ENPP2: variants seen among roughly 807,000 people sequenced by gnomAD.
ENPP2 encodes ectonucleotide pyrophosphatase/phosphodiesterase 2.
In ENPP2, 51 loss-of-function variants were observed where a neutral mutation model predicts 120.2. That is an observed-to-expected ratio of 0.42 (90% CI 0.34 to 0.54). ENPP2 has a LOEUF of 0.54. ENPP2 is among the 20% of genes least tolerant of loss of function. The pLI, the probability that ENPP2 is intolerant of heterozygous loss-of-function variation, is 0.04. For missense variants in ENPP2, 920 were observed against 1,066.5 expected (o/e 0.86, Z 1.91); for synonymous variants, 365 against 366.4 (o/e 1.00, Z 0.04).
intron 11 of ENPP2, 31 bp downstream of exon 11, chr8:119,600,647 A>T: frequency 7.0e-7 from 1 of 1,438,044 alleles, no homozygotes; most frequent in Admixed American, 1.7e-5. Flanking sequence ...AGGGCCACAG[A>T]TTCTTCTCAG....
upstream of ENPP2, among the ~76,000 whole-genome samples, chr8:119,639,982 T>G (rs965356205): frequency 1.3e-5 from 2 of 152,212 alleles, no homozygotes; most frequent in Non-Finnish European, 2.9e-5. Flanking sequence ...GCAGCACATG[T>G]GTTCGTGCGT....
At chr8:119,641,600 A>G (rs548054107), upstream of ENPP2, among the ~76,000 whole-genome samples, 6 of 152,344 alleles carry the variant, frequency 3.9e-5, no homozygotes, top group African/African-American at 1.4e-4. Flanking sequence ...CTAGAAACAA[A>G]TATTTGTCAA....
intron 1 of ENPP2, among the ~76,000 whole-genome samples, chr8:119,653,600 G>C (rs117984201): frequency 6.6e-6 from 1 of 152,082 alleles, no homozygotes; most frequent in Non-Finnish European, 1.5e-5. Context: ...AGTGAGAGAC[G>C]AGGCAGCAGT....
chr8:119,651,949 C>T (rs774396163), intron 1 of ENPP2, among the ~76,000 whole-genome samples: 6 of 152,138 alleles, frequency 3.9e-5, no homozygotes, highest in Non-Finnish European at 5.9e-5. Context: ...TGTCAAGTAC[C>T]GCTTGATATC....
chr8:119,600,808 C>T, intron 10 of ENPP2, 58 bp from the exon 11 acceptor site: 1 of 956,510 alleles, frequency 1.0e-6, no homozygotes, highest in Non-Finnish European at 1.7e-6. Flanking sequence ...CAAAAAATAT[C>T]ACATATTTTT....
Position 119,570,856 on chromosome 8 carries a change from A to C in ENPP2, c.1781-15T>G, listed in dbSNP as rs1210077071. The C allele has an allele frequency of 6.5e-7, 1 of 1,531,268 alleles. No individual in the cohort carries two copies. Among genetic ancestry groups the C allele is most frequent in the Non-Finnish European group, 8.7e-7 (1 of 1,144,992 alleles). 94.9% of individuals were successfully genotyped at this position (1,531,268 alleles called of 1,614,324 possible). The stretch of plus-strand genomic sequence containing the variant: ...GAGGTGTCTCTCTAAAAAAGAAAAA[A>C]AATAAACTGTGTTAGGTGCATATTA... On this transcript the variant is annotated splice_polypyrimidine_tract_variant and intron_variant, in intron 19 of 24. Coordinates refer to ENST00000075322, the MANE Select transcript of ENPP2 (RefSeq NM_001040092.3).
At chr8:119,604,274 C>G (rs898935711) in intron 9 of ENPP2, among the ~76,000 whole-genome samples, 1 of 151,986 alleles carries the variant, frequency 6.6e-6, no homozygotes, top group Non-Finnish European at 1.5e-5. Flanking sequence ...GTGATCCACC[C>G]GCTTCAGCCT....
chr8:119,561,529 A>G (rs1587313605), intron 24 of ENPP2, among the ~76,000 whole-genome samples: 1 of 152,148 alleles, frequency 6.6e-6, no homozygotes, highest in East Asian at 1.9e-4. Context: ...ACTTTCCATC[A>G]AATTAAAAGG....
chr8:119,657,203 G>T (rs1007502663), intron 1 of ENPP2, among the ~76,000 whole-genome samples: 1 of 152,174 alleles, frequency 6.6e-6, no homozygotes, highest in African/African-American at 2.4e-5. Flanking sequence ...GGGATCACAG[G>T]CATGAGCCAC....
At chr8:119,593,387 T>C (rs79162276) in intron 12 of ENPP2, among the ~76,000 whole-genome samples, 4,638 of 152,286 alleles carry the variant, frequency 0.03, 215 homozygotes, top group African/African-American at 0.1. Flanking sequence ...TGGGCTCGTT[T>C]TGGGGATGTG....
chr8:119,575,059 T>C (rs1174094126), intron 19 of ENPP2, among the ~76,000 whole-genome samples: 1 of 152,236 alleles, frequency 6.6e-6, no homozygotes, highest in Non-Finnish European at 1.5e-5. Context: ...AATATCTACT[T>C]GGCAAACACT....
intron 19 of ENPP2, among the ~76,000 whole-genome samples, chr8:119,579,698 G>A (rs918229164): frequency 6.6e-5 from 10 of 151,648 alleles, no homozygotes; most frequent in African/African-American, 2.2e-4. Flanking sequence ...TGATTCCTTC[G>A]GTGAATCTCT....
At chr8:119,663,973 A>G (rs1017600344) in intron 1 of ENPP2, among the ~76,000 whole-genome samples, 7 of 152,220 alleles carry the variant, frequency 4.6e-5, no homozygotes, top group African/African-American at 1.7e-4. Flanking sequence ...GAGAAAGCCT[A>G]TTTTGTTAGT....
intron 1 of ENPP2, among the ~76,000 whole-genome samples, chr8:119,659,340 A>G (rs575386347): frequency 9.8e-4 from 149 of 151,338 alleles, no homozygotes; most frequent in African/African-American, 3.5e-3. Flanking sequence ...AAAAAAAACC[A>G]GAGTTCTTAA....
intron 8 of ENPP2, among the ~76,000 whole-genome samples, chr8:119,611,686 A>G (rs1044709789): frequency 1.3e-5 from 2 of 152,186 alleles, no homozygotes; most frequent in African/African-American, 2.4e-5. Context: ...CCCTACCTGC[A>G]TGGGACCCGC....
chr8:119,597,911 T>C (rs1219355769), intron 11 of ENPP2, among the ~76,000 whole-genome samples: 1 of 152,220 alleles, frequency 6.6e-6, no homozygotes, highest in Admixed American at 6.5e-5. Context: ...TTCATCTTAT[T>C]GTAGCATATA....
At chr8:119,577,907 C>A (rs10505366) in intron 19 of ENPP2, among the ~76,000 whole-genome samples, 2 of 152,112 alleles carry the variant, frequency 1.3e-5, no homozygotes, top group African/African-American at 4.8e-5. Context: ...AAGAAACTCA[C>A]GTTCCACTCA....
rs1436932351 is a variant in ENPP2 at position 119,582,497 on chromosome 8, C to T, written c.1649G>A (p.Arg550Lys). 9 of 1,613,984 alleles carry T rather than the reference C, an allele frequency of 5.6e-6. No homozygotes were observed. Among genetic ancestry groups the T allele is most frequent in the Non-Finnish European group, 7.6e-6 (9 of 1,179,956 alleles). The change falls in exon 18 of 25, where the codon AGA (arginine) becomes AAA (lysine). Residue 550 changes from arginine to lysine, a missense_variant. Physicochemically the swap from Arg to Lys is conservative, Grantham distance 26. Transcript: ENST00000075322. Reference sequence around the variant, plus strand: ...GTACATAATCCCTGGATAATTGGGTCTGGTAACTTCCTCTGGCATGGTTGG... The same window carrying T: ...GTACATAATCCCTGGATAATTGGGTTTGGTAACTTCCTCTGGCATGGTTGG... ...FRPTMPEEVTRPNYPGIMYLQ... is the reference protein window; with the variant it reads ...FRPTMPEEVTKPNYPGIMYLQ...
chr8:119,565,485 G>A (rs1261380245), intron 22 of ENPP2, among the ~76,000 whole-genome samples: 2 of 152,146 alleles, frequency 1.3e-5, no homozygotes, highest in Non-Finnish European at 2.9e-5. Flanking sequence ...TCAAGCAAAA[G>A]AATTTTAATG....
Sources: allele counts gnomAD v4.1 joint callset (sites outside exome capture counted in the v4.1 genomes callset), GRCh38; gene constraint gnomAD v4.1.1; transcripts MANE v1.5; gene names NCBI Gene and HGNC (gene_info 2026-07-23, HGNC 2026-07-21).